Variants in NRG1 observed in about 807,000 individuals in gnomAD.
NRG1 encodes neuregulin 1, also known as pro-neuregulin-1, membrane-bound isoform.
A neutral mutation model predicts 63.8 loss-of-function variants in NRG1; 18 were observed. The ratio of observed to expected loss-of-function variants is 0.28; its 90% CI spans 0.19 to 0.42. The LOEUF (loss-of-function observed/expected upper bound fraction) is 0.42. Ranked by LOEUF, NRG1 falls within the 10% of genes least tolerant of loss-of-function variation. The pLI, the probability that NRG1 is intolerant of heterozygous loss-of-function variation, is 1.00. For synonymous variants in NRG1, 302 were observed against 301.3 expected (o/e 1.00, Z -0.02); for missense variants, 762 against 814.7 (o/e 0.94, Z 0.79).
chr8:31,997,749 T>C (rs1187766840), intron 1 of NRG1, among the ~76,000 whole-genome samples: 4 of 152,026 alleles, frequency 2.6e-5, no homozygotes, highest in Non-Finnish European at 5.9e-5. Flanking sequence ...TTTAGCATAC[T>C]ACATTAGATA....
intron 1 of NRG1, among the ~76,000 whole-genome samples, chr8:31,776,669 C>T (rs1356179056): frequency 6.6e-6 from 1 of 152,008 alleles, no homozygotes; most frequent in East Asian, 1.9e-4. Context: ...AGGTATATCT[C>T]CTAATGCTAT....
chr8:31,827,116 C>A (rs144790237), intron 1 of NRG1, among the ~76,000 whole-genome samples: 1 of 152,020 alleles, frequency 6.6e-6, no homozygotes, highest in Non-Finnish European at 1.5e-5. Context: ...TTCAGGGTAC[C>A]GTAACAGAAG....
At chr8:32,233,550 TATATATATATATA>T (rs1319748354) in intron 1 of NRG1, among the ~76,000 whole-genome samples, 3 of 72,934 alleles carry the variant, frequency 4.1e-5, no homozygotes, top group African/African-American at 1.1e-4. Context: ...TATATATATA[TATATATATATATA>T]TTTTTTTTTT....
At chr8:32,538,355 A>C (rs896636071) in intron 1 of NRG1, among the ~76,000 whole-genome samples, 1 of 152,242 alleles carries the variant, frequency 6.6e-6, no homozygotes, top group African/African-American at 2.4e-5. Context: ...AGATGATAAA[A>C]ATTTTATTCC....
intron 1 of NRG1, among the ~76,000 whole-genome samples, chr8:31,802,046 A>G (rs1048110517): frequency 3.9e-5 from 6 of 152,332 alleles, no homozygotes; most frequent in Non-Finnish European, 7.3e-5. Context: ...CATCACCGGT[A>G]TTAAACAGTG....
intron 1 of NRG1, among the ~76,000 whole-genome samples, chr8:32,479,431 C>T (rs1440405227): frequency 2.6e-5 from 4 of 151,358 alleles, no homozygotes; most frequent in Non-Finnish European, 4.4e-5. Context: ...GAGCCGAGAT[C>T]GTACCACTGC....
In NRG1 at chr8:31,981,964, G is replaced by A. The variant is rs370646243; in HGVS notation, c.37+342533G>A. Among the ~76,000 whole-genome samples, 10 of 152,020 alleles carry A rather than the reference G, an allele frequency of 6.6e-5. No homozygotes were observed. In the East Asian group the frequency reaches 1.8e-3, roughly 27 times the overall value. ...TCTAATCAAAATGGTAGAGGTGGTG[G>A]GTGAGGAAGGATCTTTTGTGAAAAT... On this transcript the variant is annotated intron_variant, in intron 1 of 10. Coordinates refer to the NRG1 transcript ENST00000519301.
intron 1 of NRG1, among the ~76,000 whole-genome samples, chr8:31,758,406 A>G (rs1336975336): frequency 6.6e-6 from 1 of 152,192 alleles, no homozygotes; most frequent in Non-Finnish European, 1.5e-5. Context: ...CTATAAAGAC[A>G]CATGCACATG....
At chr8:32,425,199 G>A (rs943113784) in intron 1 of NRG1, among the ~76,000 whole-genome samples, 1 of 152,192 alleles carries the variant, frequency 6.6e-6, no homozygotes, top group African/African-American at 2.4e-5. Flanking sequence ...ACATCTAAAT[G>A]CATGCCTCTT....
chr8:31,881,492 C>G (rs1830342135), intron 1 of NRG1, among the ~76,000 whole-genome samples: 1 of 152,148 alleles, frequency 6.6e-6, no homozygotes, highest in Non-Finnish European at 1.5e-5. Flanking sequence ...GGCAAATTCA[C>G]AACCCTATAA....
intron 1 of NRG1, among the ~76,000 whole-genome samples, chr8:32,199,951 G>A (rs1469545503): frequency 6.6e-6 from 1 of 151,990 alleles, no homozygotes; most frequent in African/African-American, 2.4e-5. Context: ...AACTAATTTT[G>A]TATTTTTTGT....
intron 1 of NRG1, among the ~76,000 whole-genome samples, chr8:31,804,095 TAGATTGCAA>T (rs1822049761): frequency 6.6e-6 from 1 of 152,190 alleles, no homozygotes; most frequent in South Asian, 2.1e-4. Flanking sequence ...AGTCTCCAAC[TAGATTGCAA>T]AGTCCCTGAG....
intron 1 of NRG1, among the ~76,000 whole-genome samples, chr8:31,938,797 G>A (rs1801323410): frequency 6.6e-6 from 1 of 152,102 alleles, no homozygotes; most frequent in African/African-American, 2.4e-5. Flanking sequence ...GAATCAAACA[G>A]GCAGAAGAAA....
chr8:32,358,324 C>T (rs1012617111), intron 1 of NRG1, among the ~76,000 whole-genome samples: 3 of 143,376 alleles, frequency 2.1e-5, no homozygotes, highest in African/African-American at 7.9e-5. Context: ...GGATATTTGA[C>T]CATTGCAGAC....
At chr8:31,916,869 C>T (rs12235031) in intron 1 of NRG1, among the ~76,000 whole-genome samples, 1 of 150,434 alleles carries the variant, frequency 6.6e-6, no homozygotes, top group African/African-American at 2.4e-5. Flanking sequence ...AGCACCTGTT[C>T]TTTCCTGACT....
chr8:31,910,048 A>G (rs1284912117), intron 1 of NRG1, among the ~76,000 whole-genome samples: 1 of 152,242 alleles, frequency 6.6e-6, no homozygotes, highest in Non-Finnish European at 1.5e-5. Context: ...TGATAACTGT[A>G]AGAAAGAAAC....
At chr8:32,035,840 G>A (rs976138567) in intron 1 of NRG1, among the ~76,000 whole-genome samples, 1 of 152,150 alleles carries the variant, frequency 6.6e-6, no homozygotes, top group African/African-American at 2.4e-5. Context: ...CTTTACATGT[G>A]AGATGGGTCT....
At chr8:31,913,147 A>G (rs1160776230) in intron 1 of NRG1, among the ~76,000 whole-genome samples, 1 of 152,160 alleles carries the variant, frequency 6.6e-6, no homozygotes, top group Non-Finnish European at 1.5e-5. Context: ...GCTAGAATGG[A>G]ATAGGTCCAT....
At chr8:32,489,369 A>C (rs1258810821) in intron 1 of NRG1, among the ~76,000 whole-genome samples, 1 of 152,176 alleles carries the variant, frequency 6.6e-6, no homozygotes, top group Non-Finnish European at 1.5e-5. Flanking sequence ...GGAAGCTGAT[A>C]ATCACCAGTT....
Sources: gnomAD v4.1 joint callset for allele counts (sites outside exome capture counted in the v4.1 genomes callset) on GRCh38, gnomAD v4.1.1 for gene constraint, MANE v1.5 for transcripts, NCBI Gene and HGNC (gene_info 2026-07-23, HGNC 2026-07-21) for gene names.